Variants in PCBP3 observed in about 807,000 individuals in gnomAD.
The protein encoded by PCBP3 is poly(rC)-binding protein 3.
PCBP3 carries 25 observed loss-of-function variants against 52.7 expected under a neutral mutation model. The ratio of observed to expected loss-of-function variants is 0.47; its 90% CI spans 0.35 to 0.66. The LOEUF (loss-of-function observed/expected upper bound fraction) is 0.66. Among genes scored for constraint, PCBP3 ranks in the 30% least tolerant of loss-of-function variants. The pLI is 0.01. For missense variants in PCBP3, 391 were observed against 490.3 expected, an observed-to-expected ratio of 0.80 and a Z score of 1.91; for synonymous variants, 162 against 183.0, an observed-to-expected ratio of 0.89 and a Z score of 0.93.
At chr21:45,863,433 G>GCCGT (rs2094583107) in intron 5 of PCBP3, among the ~76,000 whole-genome samples, 1 of 152,218 alleles carries the variant, frequency 6.6e-6, no homozygotes, top group African/African-American at 2.4e-5. Flanking sequence ...AGCTGCTGCG[G>GCCGT]CCGTGTGTCC....
rs1441849383 is a variant in PCBP3 at position 45,837,444 on chromosome 21, G to A, written c.-125-12517G>A. Among the ~76,000 whole-genome samples, 4 of 152,226 alleles carry A rather than the reference G, an allele frequency of 2.6e-5. No homozygotes were observed. Among genetic ancestry groups the A allele is most frequent in the Non-Finnish European group, 4.4e-5 (3 of 68,046 alleles). ...CTGGCTCTTGGAGCCTAGGGATGGCGCTGTGAGAACAGGCCACGGCGCCCT... is the reference window on the plus strand; with the variant it reads ...CTGGCTCTTGGAGCCTAGGGATGGCACTGTGAGAACAGGCCACGGCGCCCT... On this transcript the variant is annotated intron_variant, in intron 4 of 17. Transcript: ENST00000681687. This position sits in a 1 kb window ranked among gnomAD's most constrained non-coding sequence, Gnocchi z 4.1.
chr21:45,665,302 G>T (rs1000617598), intron 1 of PCBP3, among the ~76,000 whole-genome samples: 1 of 151,936 alleles, frequency 6.6e-6, no homozygotes, highest in East Asian at 1.9e-4. Flanking sequence ...TAGCTCCTTG[G>T]GGGGCTGAGG....
At position 45,804,564 on chromosome 21, in the gene PCBP3, AC is replaced by A. The variant is rs1284385629; in HGVS notation, c.-125-45391del. Among the ~76,000 whole-genome samples, 3 of 151,964 alleles carry A rather than the reference AC, an allele frequency of 2.0e-5. No individual in the cohort carries two copies. The East Asian group carries it at 5.8e-4, about 29-fold the overall frequency. On this transcript the variant is annotated intron_variant, in intron 4 of 17. Transcript: ENST00000681687. ...TATGAAAGACTTGTATTTATTCTGC[AC>A]CCCCCTGACCCTGAGTGTCCCTTGG...
intron 2 of PCBP3, among the ~76,000 whole-genome samples, chr21:45,725,335 G>T (rs1443617165): frequency 6.6e-6 from 1 of 152,214 alleles, no homozygotes; most frequent in Admixed American, 6.5e-5. Context: ...CAAGTATCCT[G>T]TGGTAGGTAC....
intron 2 of PCBP3, among the ~76,000 whole-genome samples, chr21:45,690,601 G>A (rs2082402916): frequency 1.3e-5 from 2 of 151,834 alleles, no homozygotes; most frequent in Admixed American, 6.6e-5. Context: ...AATATACAAA[G>A]AACTTTTGCA....
At chr21:45,697,412 A>AAAAACTTT (rs1245052208) in intron 2 of PCBP3, among the ~76,000 whole-genome samples, 1 of 151,764 alleles carries the variant, frequency 6.6e-6, no homozygotes, top group Non-Finnish European at 1.5e-5. Context: ...TTTAATTTTT[A>AAAAACTTT]AAAACTTTTC....
chr21:45,753,348 C>T (rs2087724501), intron 3 of PCBP3, among the ~76,000 whole-genome samples: 1 of 151,278 alleles, frequency 6.6e-6, no homozygotes, highest in African/African-American at 2.4e-5. Context: ...TGTAGTCTAT[C>T]CTGATAATGC....
At chr21:45,832,195 C>T (rs189896156) in intron 4 of PCBP3, among the ~76,000 whole-genome samples, 67 of 152,336 alleles carry the variant, frequency 4.4e-4, no homozygotes, top group Admixed American at 9.8e-4. Context: ...TTACACCATA[C>T]GGTAACTTCC....
At chr21:45,933,566 T>C (rs2076553873) in intron 15 of PCBP3, among the ~76,000 whole-genome samples, 1 of 152,264 alleles carries the variant, frequency 6.6e-6, no homozygotes, top group African/African-American at 2.4e-5. Flanking sequence ...TAAATATCAC[T>C]GTTTATGGAA....
At chr21:45,888,087 G>A (rs1391867763) in intron 5 of PCBP3, among the ~76,000 whole-genome samples, 1 of 152,204 alleles carries the variant, frequency 6.6e-6, no homozygotes, top group Non-Finnish European at 1.5e-5. Flanking sequence ...CACTCTGCTG[G>A]GTACCTGTCC....
intron 2 of PCBP3, among the ~76,000 whole-genome samples, chr21:45,694,771 G>C (rs2082671598): frequency 6.6e-6 from 1 of 152,098 alleles, no homozygotes; most frequent in African/African-American, 2.4e-5. Context: ...TGCCTCTATA[G>C]TAAAGACAAC....
chr21:45,878,642 T>C (rs2095327041), intron 5 of PCBP3, among the ~76,000 whole-genome samples: 1 of 152,160 alleles, frequency 6.6e-6, no homozygotes, highest in African/African-American at 2.4e-5. Flanking sequence ...GAACAGACAT[T>C]GGAGCCACAG....
At chr21:45,798,869 G>C (rs199871873) in intron 4 of PCBP3, among the ~76,000 whole-genome samples, 2,648 of 146,060 alleles carry the variant, frequency 0.018, 56 homozygotes, top group East Asian at 0.096. Context: ...ATGAATGCAT[G>C]GATCTGTAGA....
chr21:45,693,219 A>G (rs144441214), intron 2 of PCBP3, among the ~76,000 whole-genome samples: 18 of 152,264 alleles, frequency 1.2e-4, no homozygotes, highest in Non-Finnish European at 2.6e-4. Context: ...TCCTAAGACT[A>G]CCAACAAGGC....
At chr21:45,914,190 G>T (rs913924410) in intron 12 of PCBP3, 165 bp downstream of exon 12, 4 of 1,202,526 alleles carry the variant, frequency 3.3e-6, no homozygotes, top group Admixed American at 2.4e-5. Flanking sequence ...CCAGGCGGAC[G>T]CAGGGGGCCT....
intron 4 of PCBP3, among the ~76,000 whole-genome samples, chr21:45,823,102 A>G (rs2093193485): frequency 6.6e-6 from 1 of 152,238 alleles, no homozygotes; most frequent in Non-Finnish European, 1.5e-5. Context: ...TTAAAATTTT[A>G]CAAGGACTCA....
chr21:45,646,073 CTCTCTCTCTT>C lies in PCBP3; in HGVS notation c.-279+2215_-279+2224del, dbSNP rs1387408763. ...CCTGTTTCTCTCTCTCTCTCTCTCT[CTCTCTCTCTT>C]TCTCTCTCTCTCTCTCTCTCTCTCT... On this transcript the variant is annotated intron_variant, in intron 1 of 17. Transcript: ENST00000681687. Among the ~76,000 whole-genome samples the C allele has an allele frequency of 1.5e-4, 18 of 123,162 alleles. 1 individual carries two copies. Among genetic ancestry groups the C allele is most frequent in the South Asian group, 2.9e-4 (1 of 3,404 alleles). The allele number at this position is 123,162 out of a possible 152,430, so 80.8% of individuals were successfully genotyped here.
At chr21:45,790,391 G>A (rs539747124) in intron 4 of PCBP3, among the ~76,000 whole-genome samples, 79 of 152,302 alleles carry the variant, frequency 5.2e-4, no homozygotes, top group African/African-American at 1.9e-3. Flanking sequence ...CACTTGCATC[G>A]AGGGCAGCCA....
At chr21:45,776,697 T>C (rs2090288718) in intron 4 of PCBP3, among the ~76,000 whole-genome samples, 1 of 152,208 alleles carries the variant, frequency 6.6e-6, no homozygotes. Context: ...CACTTTTGGT[T>C]TCCAATTTGT....
Sources: gnomAD v4.1 joint callset for allele counts (sites outside exome capture counted in the v4.1 genomes callset) on GRCh38, gnomAD v4.1.1 for gene constraint, Gnocchi (gnomAD v3.1) non-coding constraint, MANE v1.5 for transcripts, NCBI Gene and HGNC (gene_info 2026-07-23, HGNC 2026-07-21) for gene names.